CPN2: variants seen among roughly 807,000 people sequenced by gnomAD.
CPN2 encodes the protein carboxypeptidase N subunit 2.
For synonymous variants in CPN2, 336 were observed against 318.4 expected, an observed-to-expected ratio of 1.06 and a Z score of -0.59; for missense variants, 620 against 671.4, an observed-to-expected ratio of 0.92 and a Z score of 0.85.
At position 194,341,305 on chromosome 3, in the gene CPN2, GC is replaced by G. The variant is rs1712805672; in HGVS notation, c.1397del (p.Gly466AlafsTer37). On this transcript the variant is annotated frameshift_variant, in exon 2 of 2. Transcript: ENST00000323830. LOFTEE classifies it low-confidence loss of function (END_TRUNC). ...VTWPDESKAG[G>X]SWDLAVQERA... is the part of the protein sequence containing the mutation. ...TTTCCTGCACAGCCAGATCCCAGCT[GC>G]CCCCTGCCTTGCTTTCGTCCGGCCA... is the stretch of plus-strand genomic sequence containing the variant. 6.2e-7 allele frequency: 1 copy of G among 1,613,510 alleles called. No individual in the cohort carries two copies. Among genetic ancestry groups the G allele is most frequent in the African/African-American group, 1.3e-5 (1 of 74,948 alleles).
rs746150079 is a variant in CPN2 at position 194,342,082 on chromosome 3, A to T, written c.621T>A (p.Gly207=). ...GTTTGCCAAACACACCCTGGGGGAG[A>T]CCAGAGAGCGCGTTGTTGCTCAGCT... The part of the protein sequence containing the change: ...TLKLSNNALS[G]LPQGVFGKLG... The change falls in exon 2 of 2, where the codon GGT becomes GGA. Residue 207 remains glycine (G), a synonymous_variant. Transcript: ENST00000323830. The T allele has an allele frequency of 3.0e-5, 49 of 1,613,912 alleles. No individual in the cohort carries two copies. Among genetic ancestry groups the T allele is most frequent in the Non-Finnish European group, 2.3e-5 (27 of 1,180,016 alleles).
chr3:194,341,969 C>T lies in CPN2; in HGVS notation c.734G>A (p.Arg245Lys). ...QVFSQLFCLE[R>K]LWLQRNAITH... ...GATGGCGTTGCGTTGCAGCCACAGCCTCTCTAGGCAGAAGAGCTGGGAGAA... is the reference window on the plus strand; with the variant it reads ...GATGGCGTTGCGTTGCAGCCACAGCTTCTCTAGGCAGAAGAGCTGGGAGAA... The change falls in exon 2 of 2, where the codon AGG becomes AAG. Residue 245 changes from arginine (R) to lysine (K), a missense_variant. Arg to Lys is a conservative substitution (Grantham distance 26). Coordinates refer to ENST00000323830, the MANE Select transcript of CPN2 (RefSeq NM_001080513.4). 6.2e-7 allele frequency: 1 copy of T among 1,614,162 alleles called. No homozygotes were observed.
At chr3:194,344,342 G>T (rs1712973916) in intron 1 of CPN2, among the ~76,000 whole-genome samples, 1 of 152,216 alleles carries the variant, frequency 6.6e-6, no homozygotes, top group South Asian at 2.1e-4. Flanking sequence ...ATAGCTAAGT[G>T]AGCTTGGGGA....
In CPN2 at chr3:194,342,088, G is replaced by A. The variant is rs1400494368; in HGVS notation, c.615C>T (p.Leu205=). The part of the protein sequence containing the change: ...LQTLKLSNNA[L]SGLPQGVFGK... ...CAAACACACCCTGGGGGAGACCAGA[G>A]AGCGCGTTGTTGCTCAGCTTCAGGG... Residue 205 remains leucine, a synonymous_variant, in exon 2 of 2, where the codon CTC becomes CTT. Coordinates refer to ENST00000323830, the MANE Select transcript of CPN2 (RefSeq NM_001080513.4). 2 of 1,614,196 alleles carry A rather than the reference G, an allele frequency of 1.2e-6. No homozygotes were observed. The highest frequency in any genetic ancestry group is 1.7e-6 in the Non-Finnish European group (2 of 1,180,030).
At position 194,342,252 on chromosome 3, in the gene CPN2, G is replaced by T. The variant is rs980660249; in HGVS notation, c.451C>A (p.His151Asn). The T allele has an allele frequency of 6.2e-7, 1 of 1,613,934 alleles. No homozygotes were observed. The highest frequency in any genetic ancestry group is 8.5e-7 in the Non-Finnish European group (1 of 1,179,922). ...FQHLAALESL[H>N]LQGNQLQALP... ...GCCTGGAGCTGGTTCCCCTGCAGGT[G>T]GAGGGACTCCAGGGCAGCCAGGTGC... Residue 151 changes from histidine (H) to asparagine (N), a missense_variant, in exon 2 of 2, where the codon CAC (histidine) becomes AAC (asparagine). Transcript: ENST00000323830.
At chr3:194,350,130 A>G (rs1972455) in intron 1 of CPN2, among the ~76,000 whole-genome samples, 57,317 of 151,714 alleles carry the variant, frequency 0.38, 11,233 homozygotes, top group East Asian at 0.7. Flanking sequence ...TCCCTCTTGT[A>G]CTGTGTTGAA....
At chr3:194,345,833 C>T (rs568552961) in intron 1 of CPN2, among the ~76,000 whole-genome samples, 2 of 152,372 alleles carry the variant, frequency 1.3e-5, no homozygotes, top group South Asian at 4.1e-4. Flanking sequence ...GCGAGCTGAG[C>T]TGCTCCCTGG....
intron 1 of CPN2, among the ~76,000 whole-genome samples, chr3:194,347,664 ATCCGCTG>A: frequency 1.2e-5 from 1 of 82,756 alleles, no homozygotes; most frequent in African/African-American, 5.6e-5. Context: ...AGCCCACCCC[ATCCGCTG>A]CCCAGTTCAG....
Position 194,342,631 on chromosome 3 carries a change from C to T in CPN2, c.72G>A (p.Met24Ile). Residue 24 changes from methionine to isoleucine, a missense_variant, in exon 2 of 2, where the codon ATG (methionine) becomes ATA (isoleucine). Met to Ile is a conservative substitution (Grantham distance 10). Transcript: ENST00000323830. Reference sequence around the variant, plus strand: ...CCTCCTGGACGAAGCAGTCACAACCCATGGGACAGGGCTGGGCAGGCCTGG... The same window carrying T: ...CCTCCTGGACGAAGCAGTCACAACCTATGGGACAGGGCTGGGCAGGCCTGG... ...LLARPAQPCP[M>I]GCDCFVQEVF... 1 of 1,613,166 alleles carries T rather than the reference C, an allele frequency of 6.2e-7. No individual in the cohort carries two copies.
In CPN2 at chr3:194,341,250, T is replaced by C; in HGVS notation, c.1453A>G (p.Asn485Asp). ...RAARSQCTYSNPEGTVVLACD... is the reference protein window; with the variant it reads ...RAARSQCTYSDPEGTVVLACD... ...GCGAGCACCACGGTGCCCTCGGGGT[T>C]GCTGTAGGTGCACTGGCTCCGGGCT... Residue 485 changes from asparagine to aspartate, a missense_variant, in exon 2 of 2, where the codon AAC becomes GAC. Physicochemically the swap from Asn to Asp is conservative, Grantham distance 23. Coordinates refer to ENST00000323830, the MANE Select transcript of CPN2 (RefSeq NM_001080513.4). 1 of 1,613,490 alleles carries C rather than the reference T, an allele frequency of 6.2e-7. No individual in the cohort carries two copies. The highest frequency in any genetic ancestry group is 8.5e-7 in the Non-Finnish European group (1 of 1,179,934).
chr3:194,344,469 G>A (rs1476523074), intron 1 of CPN2, among the ~76,000 whole-genome samples: 1 of 152,230 alleles, frequency 6.6e-6, no homozygotes, highest in East Asian at 1.9e-4. Context: ...GGCCAAGGCA[G>A]GTGGATCCTG....
chr3:194,344,601 A>G (rs1229506434), intron 1 of CPN2, among the ~76,000 whole-genome samples: 2 of 152,246 alleles, frequency 1.3e-5, no homozygotes, highest in African/African-American at 4.8e-5. Flanking sequence ...AGGCTGAGGC[A>G]GGAGAATCGC....
At chr3:194,346,987 C>T (rs189790628) in intron 1 of CPN2, among the ~76,000 whole-genome samples, 2 of 152,264 alleles carry the variant, frequency 1.3e-5, no homozygotes, top group African/African-American at 4.8e-5. Context: ...GGCCTTGGCC[C>T]CTTCCCCAGC....
chr3:194,343,361 T>C (rs1028787613), intron 1 of CPN2, among the ~76,000 whole-genome samples: 11 of 152,270 alleles, frequency 7.2e-5, no homozygotes, highest in Non-Finnish European at 1.6e-4. Context: ...TACTCACAGG[T>C]CACAAATTGG....
intron 1 of CPN2, among the ~76,000 whole-genome samples, chr3:194,348,722 C>T (rs1033455504): frequency 3.9e-5 from 6 of 152,050 alleles, no homozygotes; most frequent in African/African-American, 1.4e-4. Context: ...AACATCTCAT[C>T]TCTTCAAAAA....
chr3:194,348,768 T>C (rs532580173), intron 1 of CPN2, among the ~76,000 whole-genome samples: 28 of 152,134 alleles, frequency 1.8e-4, no homozygotes, highest in Non-Finnish European at 3.8e-4. Flanking sequence ...GGTGCATGCT[T>C]GTAGTCTCAA....
intron 1 of CPN2, among the ~76,000 whole-genome samples, chr3:194,345,135 T>C (rs917421833): frequency 3.3e-5 from 5 of 152,352 alleles, no homozygotes; most frequent in African/African-American, 4.8e-5. Context: ...CTCATCTCTC[T>C]ATGCCCAGAG....
intron 1 of CPN2, among the ~76,000 whole-genome samples, chr3:194,343,919 A>T (rs1712956572): frequency 6.6e-6 from 1 of 152,206 alleles, no homozygotes; most frequent in South Asian, 2.1e-4. Context: ...AAAAATAAAA[A>T]CAAAATGCTC....
rs370226527 is a variant in CPN2, at chr3:194,344,891, G to A, written c.-3-2186C>T. On this transcript the variant is annotated intron_variant, in intron 1 of 1. Coordinates refer to ENST00000323830, the MANE Select transcript of CPN2 (RefSeq NM_001080513.4). ...AGCATGAGACTAGGAACAGAAAGCA[G>A]TGGGCCTGGCTGAAGAGGCATGGGG... Among the ~76,000 whole-genome samples the A allele has an allele frequency of 4.4e-4, 67 of 152,166 alleles. 1 individual carries two copies. The highest frequency in any genetic ancestry group is 1.6e-3 in the African/African-American group (66 of 41,508).
Sources: allele counts gnomAD v4.1 joint callset (sites outside exome capture counted in the v4.1 genomes callset), GRCh38; gene constraint gnomAD v4.1.1; transcripts MANE v1.5; gene names NCBI Gene and HGNC (gene_info 2026-07-23, HGNC 2026-07-21).